The following CIC variants were observed in gnomAD, a reference collection of about 807,000 sequenced individuals.
The protein encoded by CIC is protein capicua homolog.
A neutral mutation model predicts 115.7 loss-of-function variants in CIC; 18 were observed. The observed-to-expected ratio is 0.16, with a 90% confidence interval of 0.11 to 0.23. CIC has a LOEUF of 0.23. Ranked by LOEUF, CIC falls within the 10% of genes least tolerant of loss-of-function variation. CIC has a pLI of 1.00. For missense variants in CIC, 2,000 were observed against 2,159.3 expected, an observed-to-expected ratio of 0.93 and a Z score of 1.46; for synonymous variants, 1,076 against 923.0, an observed-to-expected ratio of 1.17 and a Z score of -3.01.
chr19:42,293,671 C>G lies in CIC; in HGVS notation c.6602C>G (p.Pro2201Arg). Residue 2201 changes from proline (P) to arginine (R), a missense_variant, in exon 17 of 21, where the codon CCT (proline) becomes CGT (arginine). Transcript: ENST00000681038. ...GLENRGEPPTPPSPAPAPAVA... is the reference protein window; with the variant it reads ...GLENRGEPPTRPSPAPAPAVA... ...GAGAATCGTGGGGAGCCTCCCACTC[C>G]TCCCAGCCCGGCCCCAGCTCCAGCT... 6.2e-7 allele frequency: 1 copy of G among 1,612,804 alleles called. No homozygotes were observed. The highest frequency in any genetic ancestry group is 8.5e-7 in the Non-Finnish European group (1 of 1,179,764).
At position 42,294,066 on chromosome 19, in the gene CIC, G is replaced by A. The variant is rs1568528562; in HGVS notation, c.6899G>A (p.Arg2300His). 6.2e-7 allele frequency: 1 copy of A among 1,613,528 alleles called. No homozygotes were observed. The highest frequency in any genetic ancestry group is 8.5e-7 in the Non-Finnish European group (1 of 1,180,010). Residue 2300 changes from arginine to histidine, a missense_variant, in exon 18 of 21, where the codon CGC becomes CAC. By Grantham distance (29) the Arg-to-His change is conservative. Transcript: ENST00000681038. ...CCCCGGGCCATCCTGGGCTCTTACCGCAAGAAGAGGAAGAACTCCACGGGT... is the reference window on the plus strand; with the variant it reads ...CCCCGGGCCATCCTGGGCTCTTACCACAAGAAGAGGAAGAACTCCACGGGT... Reference protein sequence around the residue: ...TSPRAILGSYRKKRKNSTDLD... With the variant: ...TSPRAILGSYHKKRKNSTDLD...
At chr19:42,291,493 G>A (rs373358653) in intron 11 of CIC, 27 bp downstream of exon 11, 1 of 1,613,170 alleles carries the variant, frequency 6.2e-7, no homozygotes, top group Non-Finnish European at 8.5e-7. Context: ...GCAGCACTAG[G>A]GGAGGGGCCA....
intron 7 of CIC, among the ~76,000 whole-genome samples, chr19:42,288,514 G>T (rs1031573869): frequency 6.6e-6 from 1 of 152,172 alleles, no homozygotes; most frequent in South Asian, 2.1e-4. Context: ...GTTCTGTGAG[G>T]TTAGATGGAT....
In CIC at chr19:42,290,376, G is replaced by A. The variant is rs753788840; in HGVS notation, c.4335G>A (p.Ala1445=). ...ATGGTTCCGCCCCATCCTCCTCTGC[G>A]TCCTCGCCTGCTTCCTCCTCAGCCT... The part of the protein sequence containing the change: ...KGYGSAPSSS[A]SSPASSSASA... The change falls in exon 11 of 21, where the codon GCG becomes GCA. Residue 1445 remains alanine, a synonymous_variant. Transcript: ENST00000681038. The A allele has an allele frequency of 3.4e-5, 55 of 1,613,824 alleles. No homozygotes were observed. The highest frequency in any genetic ancestry group is 4.5e-5 in the Non-Finnish European group (53 of 1,179,970).
intron 2 of CIC, among the ~76,000 whole-genome samples, chr19:42,279,592 G>A (rs754527303): frequency 3.3e-5 from 5 of 152,262 alleles, no homozygotes; most frequent in African/African-American, 4.8e-5. Flanking sequence ...ACTCCGAGTG[G>A]CTAGTTGAGG....
rs1307748108 is a variant in CIC, at chr19:42,287,953, G to A, written c.3636G>A (p.Thr1212=). ...KETRERSMSE[T]GTAAAPGVSS... ...CGCGGGAGCGGAGCATGTCGGAGAC[G>A]GGCACTGCTGCTGCCCCTGGGGGTT... Residue 1212 remains threonine, a synonymous_variant, in exon 7 of 21, where the codon ACG becomes ACA. Transcript: ENST00000681038. The surrounding 1 kb of genome is among the most constrained non-coding windows in gnomAD (Gnocchi z 8.7). The A allele has an allele frequency of 4.4e-6, 7 of 1,598,978 alleles. No individual in the cohort carries two copies. Among genetic ancestry groups the A allele is most frequent in the Non-Finnish European group, 3.4e-6 (4 of 1,173,554 alleles).
intron 2 of CIC, chr19:42,284,434 C>G (rs1164917582): frequency 6.9e-6 from 1 of 144,336 alleles, no homozygotes; most frequent in Non-Finnish European, 1.5e-5. Context: ...TGACGGCCCC[C>G]GCGCGCGCCG....
At position 42,290,429 on chromosome 19, in the gene CIC, C is replaced by T. The variant is rs541390632; in HGVS notation, c.4388C>T (p.Ser1463Leu). ...GCAGCCACCTCCTTCTCACTGGGCT[C>T]AGGAACCTTCAAGGCCCAGGAGTCT... ...ASAATSFSLG[S>L]GTFKAQESGQ... The change falls in exon 11 of 21, where the codon TCA (serine) becomes TTA (leucine). Residue 1463 changes from serine (S) to leucine (L), a missense_variant. Coordinates refer to ENST00000681038, the MANE Select transcript of CIC (RefSeq NM_001386298.1). 29 of 1,614,084 alleles carry T rather than the reference C, an allele frequency of 1.8e-5. No homozygotes were observed. In the South Asian group the frequency reaches 3.2e-4, roughly 18 times the overall value.
intron 2 of CIC, among the ~76,000 whole-genome samples, chr19:42,281,191 G>A (rs892090670): frequency 6.6e-6 from 1 of 152,176 alleles, no homozygotes. Flanking sequence ...GGACACCGGG[G>A]TGGTGAGCTG....
rs770585137 is a variant in CIC at position 42,291,371 on chromosome 19, C to T, written c.5330C>T (p.Pro1777Leu). The change falls in exon 11 of 21, where the codon CCG becomes CTG. Residue 1777 changes from proline (P) to leucine (L), a missense_variant. Physicochemically the swap from Pro to Leu is moderately conservative, Grantham distance 98. Around this residue, in one of 8 missense-constraint regions of CIC, gnomAD observed 1,466 missense variants for 1,390.4 expected, o/e 1.05. Transcript: ENST00000681038. ...PTTSIRFTLP[P>L]GTSTNGKVLA... is the part of the protein sequence containing the mutation. ...ACCAGCATCCGTTTCACCCTCCCAC[C>T]GGGCACTTCCACCAACGGCAAAGTC... The T allele has an allele frequency of 8.1e-6, 13 of 1,612,402 alleles. No homozygotes were observed. The highest frequency in any genetic ancestry group is 3.3e-5 in the Admixed American group (2 of 59,992).
Position 42,291,439 on chromosome 19 carries a change from T to C in CIC, c.5398T>C (p.Ser1800Pro). ...CACTCCTGGCATCCCCATCCTGCAG[T>C]CTGTACCCTCCGCCCCACCCCCCAA... The part of the protein sequence containing the change: ...APTPGIPILQ[S>P]VPSAPPPKAQ... Residue 1800 changes from serine to proline, a missense_variant, in exon 11 of 21, where the codon TCT becomes CCT. By Grantham distance (74) the Ser-to-Pro change is moderately conservative (BLOSUM62 -1). Coordinates refer to ENST00000681038, the MANE Select transcript of CIC (RefSeq NM_001386298.1). 6.2e-7 allele frequency: 1 copy of C among 1,612,986 alleles called. No homozygotes were observed. Among genetic ancestry groups the C allele is most frequent in the East Asian group, 2.2e-5 (1 of 44,886 alleles).
Position 42,286,662 on chromosome 19 carries a change from G to A in CIC, c.2795-109G>A. On this transcript the variant is annotated intron_variant, in intron 2 of 20. Coordinates refer to ENST00000681038, the MANE Select transcript of CIC (RefSeq NM_001386298.1). ...CCAAGAGGCTCTGGTGTTGGGGGTG[G>A]GGGGTAGACAAAAGGGGTGGGGCTA... 3 of 1,410,838 alleles carry A rather than the reference G, an allele frequency of 2.1e-6. 1 individual carries two copies. The highest frequency in any genetic ancestry group is 3.0e-6 in the Non-Finnish European group (3 of 1,013,360). 87.4% of individuals were successfully genotyped at this position (1,410,838 alleles called of 1,614,324 possible).
At chr19:42,274,751 T>C (rs2036905098) in intron 2 of CIC, among the ~76,000 whole-genome samples, 174 bp downstream of exon 2, 1 of 152,206 alleles carries the variant, frequency 6.6e-6, no homozygotes, top group Non-Finnish European at 1.5e-5. Flanking sequence ...GATTGGACTT[T>C]TAAGGCTCAA....
intron 1 of CIC, among the ~76,000 whole-genome samples, chr19:42,269,885 C>T (rs540018277): frequency 1.3e-5 from 2 of 152,094 alleles, no homozygotes; most frequent in Non-Finnish European, 2.9e-5. Context: ...GGGTATGAGA[C>T]CCCAAAGAGC....
chr19:42,275,628 C>T (rs1318023860), intron 2 of CIC, among the ~76,000 whole-genome samples: 7 of 152,160 alleles, frequency 4.6e-5, no homozygotes, highest in Non-Finnish European at 1.5e-5. Flanking sequence ...GGTGACAGAC[C>T]TGTCGGAAGC....
At chr19:42,292,046 G>A in intron 12 of CIC, 40 bp from the exon 13 acceptor site, 6 of 1,612,240 alleles carry the variant, frequency 3.7e-6, no homozygotes, top group Non-Finnish European at 5.1e-6. Flanking sequence ...CCAGTCTGGG[G>A]CCACAGCTCA....
chr19:42,274,554 T>C lies in CIC; in HGVS notation c.2771T>C (p.Val924Ala). ...YTSHPAPKKE[V>A]IMGRPGTVWT... ...AGCCACCCTGCCCCCAAGAAGGAAG[T>C]CATCATGGGCCGGCCTGGAACAGGT... Residue 924 changes from valine (V) to alanine (A), a missense_variant, in exon 2 of 21, where the codon GTC (valine) becomes GCC (alanine). Physicochemically the swap from Val to Ala is moderately conservative, Grantham distance 64. Around this residue, in one of 8 missense-constraint regions of CIC, gnomAD observed 222 missense variants for 247.7 expected, o/e 0.90. Transcript: ENST00000681038. The C allele has an allele frequency of 2.5e-6, 1 of 398,674 alleles. No individual in the cohort carries two copies. Among genetic ancestry groups the C allele is most frequent in the Non-Finnish European group, 4.4e-6 (1 of 226,164 alleles). 24.7% of individuals were successfully genotyped at this position (398,674 alleles called of 1,614,324 possible). A position where few individuals can be genotyped will look rare whatever the true frequency, so the allele number is the denominator to read the frequency against.
intron 2 of CIC, among the ~76,000 whole-genome samples, chr19:42,286,403 G>T (rs982700380): frequency 3.3e-5 from 5 of 151,988 alleles, no homozygotes; most frequent in African/African-American, 4.8e-5. Flanking sequence ...GGGGGTCCCA[G>T]CCCGTAGAGG....
In CIC at chr19:42,295,237, A is replaced by T. The variant is rs369086665; in HGVS notation, c.*46A>T. On this transcript the variant is annotated 3_prime_UTR_variant, in exon 21 of 21. Transcript: ENST00000681038. The stretch of plus-strand genomic sequence containing the variant: ...AGGACTTATAGTACCCCCTCAGGAC[A>T]TGGACAGTATGTGGGGGCAGGAAGG... 1 of 1,501,360 alleles carries T rather than the reference A, an allele frequency of 6.7e-7. No homozygotes were observed. 93.0% of individuals were successfully genotyped at this position (1,501,360 alleles called of 1,614,324 possible).
Sources: gnomAD v4.1 joint callset for allele counts (sites outside exome capture counted in the v4.1 genomes callset) on GRCh38, gnomAD v4.1.1 for gene constraint, gnomAD v4.1.1 regional missense constraint, Gnocchi (gnomAD v3.1) non-coding constraint, MANE v1.5 for transcripts, NCBI Gene and HGNC (gene_info 2026-07-23, HGNC 2026-07-21) for gene names.